GLI2: variants seen among roughly 807,000 people sequenced by gnomAD.
GLI2 encodes the protein transcription activator GLI2.
GLI2 carries 22 observed loss-of-function variants against 78.9 expected under a neutral mutation model. That is an observed-to-expected ratio of 0.28 (90% CI 0.20 to 0.40). The LOEUF (loss-of-function observed/expected upper bound fraction) is 0.40, where lower values mean the gene tolerates loss of function less well. Among genes scored for constraint, GLI2 ranks in the 10% least tolerant of loss-of-function variants. The probability of loss-of-function intolerance (pLI) is 1.00; values close to 1 mark genes in which losing one functional copy is unlikely to be tolerated. For missense variants in GLI2, 2,097 were observed against 2,213.2 expected, an observed-to-expected ratio of 0.95 and a Z score of 1.05; for synonymous variants, 974 against 963.7, an observed-to-expected ratio of 1.01 and a Z score of -0.20.
rs187065456 is a variant in GLI2, at chr2:120,958,176, A to G, written c.643+2746A>G. ...CAGGACTGAAGGGGTGTGGAGTGGC[A>G]ATCCCAAGCCCTGCGAGCTGTGTGG... is the stretch of plus-strand genomic sequence containing the variant. On this transcript the variant is annotated intron_variant, in intron 5 of 13. Coordinates refer to ENST00000361492, the MANE Select transcript of GLI2 (RefSeq NM_001374353.1). Among the ~76,000 whole-genome samples, 20 of 152,248 alleles carry G rather than the reference A, an allele frequency of 1.3e-4. No homozygotes were observed. The South Asian group carries it at 2.1e-3, about 16-fold the overall frequency.
chr2:120,750,692 G>A (rs1330606767), intron 1 of GLI2, among the ~76,000 whole-genome samples: 1 of 152,196 alleles, frequency 6.6e-6, no homozygotes, highest in African/African-American at 2.4e-5. Context: ...CATTTAGCAC[G>A]CGCTGCTGGT....
At chr2:120,828,851 C>T (rs1252149125) in intron 2 of GLI2, among the ~76,000 whole-genome samples, 6 of 113,500 alleles carry the variant, frequency 5.3e-5, no homozygotes, top group Non-Finnish European at 8.9e-5. Flanking sequence ...GAGGCCGTGA[C>T]TTCCAACTCC....
At chr2:120,890,998 A>G (rs1020442677) in intron 2 of GLI2, among the ~76,000 whole-genome samples, 9 of 152,328 alleles carry the variant, frequency 5.9e-5, no homozygotes, top group Admixed American at 1.3e-4. Context: ...GACTGTGTTC[A>G]TTTGTTCATT....
At chr2:120,841,082 C>T (rs775597473) in intron 2 of GLI2, among the ~76,000 whole-genome samples, 9 of 152,146 alleles carry the variant, frequency 5.9e-5, no homozygotes, top group Admixed American at 1.3e-4. Context: ...GGCTGAAACT[C>T]GAAGTCGCTA....
chr2:120,975,846 C>G (rs1682432337), intron 9 of GLI2, among the ~76,000 whole-genome samples: 1 of 152,244 alleles, frequency 6.6e-6, no homozygotes, highest in Non-Finnish European at 1.5e-5. Context: ...CCACCACAAC[C>G]AGCTGAGTGG....
intron 2 of GLI2, among the ~76,000 whole-genome samples, chr2:120,871,668 A>C (rs957593758): frequency 6.6e-6 from 1 of 152,254 alleles, no homozygotes; most frequent in Non-Finnish European, 1.5e-5. Context: ...CTGGTTGTCC[A>C]TCATTATGAC....
At chr2:120,940,872 C>G (rs1257753616) in intron 3 of GLI2, among the ~76,000 whole-genome samples, 4 of 152,218 alleles carry the variant, frequency 2.6e-5, no homozygotes, top group Non-Finnish European at 5.9e-5. Flanking sequence ...CCACCTGCCC[C>G]CTCACTACCT....
intron 1 of GLI2, among the ~76,000 whole-genome samples, chr2:120,788,790 G>A (rs1377353566): frequency 6.6e-6 from 1 of 152,162 alleles, no homozygotes; most frequent in Non-Finnish European, 1.5e-5. Flanking sequence ...GCCCACCCCT[G>A]GCCACACTGG....
intron 1 of GLI2, among the ~76,000 whole-genome samples, chr2:120,761,342 G>A (rs1475047009): frequency 6.6e-6 from 1 of 152,110 alleles, no homozygotes; most frequent in Non-Finnish European, 1.5e-5. Context: ...GAGCCCAGGA[G>A]GTGAGACCAA....
At chr2:120,865,935 G>C (rs1688111512) in intron 2 of GLI2, among the ~76,000 whole-genome samples, 1 of 152,200 alleles carries the variant, frequency 6.6e-6, no homozygotes, top group Non-Finnish European at 1.5e-5. Flanking sequence ...GCCATTTCCA[G>C]CCCAACACCC....
intron 1 of GLI2, among the ~76,000 whole-genome samples, chr2:120,783,025 AG>A (rs1439444524): frequency 6.6e-6 from 1 of 152,036 alleles, no homozygotes; most frequent in Non-Finnish European, 1.5e-5. Flanking sequence ...TCGAAAGGAG[AG>A]GGGGAAGGAG....
At chr2:120,808,319 A>C (rs772654712) in intron 2 of GLI2, among the ~76,000 whole-genome samples, 2 of 152,274 alleles carry the variant, frequency 1.3e-5, no homozygotes, top group African/African-American at 2.4e-5. Flanking sequence ...CGAGTGCTGC[A>C]ATCCCACCAT....
intron 2 of GLI2, among the ~76,000 whole-genome samples, chr2:120,896,696 T>TACACACACAC (rs70954513): frequency 1.2e-4 from 15 of 128,816 alleles, no homozygotes; most frequent in African/African-American, 2.2e-4. Context: ...CACACACCCA[T>TACACACACAC]ACACACACAC....
chr2:120,889,358 C>T (rs566832806), intron 2 of GLI2, among the ~76,000 whole-genome samples: 1 of 152,316 alleles, frequency 6.6e-6, no homozygotes, highest in African/African-American at 2.4e-5. Flanking sequence ...GAATGCTTTC[C>T]AGTTCAGACA....
At chr2:120,987,034 A>G (rs1320340942) in intron 13 of GLI2, among the ~76,000 whole-genome samples, 1 of 152,234 alleles carries the variant, frequency 6.6e-6, no homozygotes, top group Non-Finnish European at 1.5e-5. Context: ...TCTACTGCAG[A>G]ACGAGCCAGG....
intron 1 of GLI2, among the ~76,000 whole-genome samples, chr2:120,750,171 C>G (rs1200490343): frequency 6.6e-6 from 1 of 152,242 alleles, no homozygotes; most frequent in Non-Finnish European, 1.5e-5. Context: ...TCAGCCCCTC[C>G]CACTCCAGGA....
chr2:120,786,386 C>T (rs1683998028), intron 1 of GLI2, among the ~76,000 whole-genome samples: 1 of 152,178 alleles, frequency 6.6e-6, no homozygotes, highest in African/African-American at 2.4e-5. Context: ...ATCATCCCTG[C>T]TGTTTGGGTC....
chr2:120,751,956 T>C (rs936470176), intron 1 of GLI2, among the ~76,000 whole-genome samples: 1 of 152,234 alleles, frequency 6.6e-6, no homozygotes, highest in Non-Finnish European at 1.5e-5. Flanking sequence ...AGCCAGTTTC[T>C]TTCTGATGCA....
At chr2:120,932,994 G>C (rs1271558001) in intron 3 of GLI2, among the ~76,000 whole-genome samples, 1 of 152,144 alleles carries the variant, frequency 6.6e-6, no homozygotes, top group South Asian at 2.1e-4. Context: ...GGAGTGGTCA[G>C]ATTTATTTTC....
Sources: gnomAD v4.1 joint callset for allele counts (sites outside exome capture counted in the v4.1 genomes callset) on GRCh38, gnomAD v4.1.1 for gene constraint, MANE v1.5 for transcripts, NCBI Gene and HGNC (gene_info 2026-07-23, HGNC 2026-07-21) for gene names.